Variants in MAP2K2 observed in about 807,000 individuals in gnomAD.
MAP2K2 encodes the protein dual specificity mitogen-activated protein kinase kinase 2.
MAP2K2 carries 24 observed loss-of-function variants against 43.7 expected under a neutral mutation model. That is an observed-to-expected ratio of 0.55 (90% CI 0.40 to 0.77). MAP2K2 has a LOEUF of 0.77. Ranked by LOEUF, MAP2K2 falls within the 30% of genes least tolerant of loss-of-function variation. MAP2K2 has a pLI of 0.00. For missense variants in MAP2K2, 470 were observed against 566.8 expected (o/e 0.83, Z 1.73); for synonymous variants, 244 against 239.7 (o/e 1.02, Z -0.17).
At chr19:4,120,932 C>T (rs1372789862) in intron 1 of MAP2K2, among the ~76,000 whole-genome samples, 4 of 145,340 alleles carry the variant, frequency 2.8e-5, no homozygotes, top group Admixed American at 2.7e-4. Flanking sequence ...CAAGAGTCTT[C>T]ATCTGGGTCA....
chr19:4,098,639 C>A (rs993692557), intron 7 of MAP2K2, among the ~76,000 whole-genome samples: 5 of 152,200 alleles, frequency 3.3e-5, no homozygotes, highest in Admixed American at 2.6e-4. Flanking sequence ...TCCCGAGGTG[C>A]CCGCCCTAAG....
chr19:4,093,718 C>T (rs1405177635), intron 10 of MAP2K2, among the ~76,000 whole-genome samples: 1 of 152,112 alleles, frequency 6.6e-6, no homozygotes, highest in Non-Finnish European at 1.5e-5. Flanking sequence ...AACTGAAAGC[C>T]ACATTCCAGT....
At chr19:4,110,859 C>G (rs1320227005) in intron 2 of MAP2K2, among the ~76,000 whole-genome samples, 1 of 152,186 alleles carries the variant, frequency 6.6e-6, no homozygotes, top group African/African-American at 2.4e-5. Flanking sequence ...AGCAGCACGA[C>G]TCACAGCAGG....
intron 2 of MAP2K2, among the ~76,000 whole-genome samples, chr19:4,116,199 AG>A (rs145026031): frequency 0.051 from 7,766 of 152,278 alleles, 231 homozygotes; most frequent in South Asian, 0.069. Flanking sequence ...ACTCCACCCC[AG>A]GGTGGGTGAG....
chr19:4,093,967 G>A (rs1029883939), intron 10 of MAP2K2, among the ~76,000 whole-genome samples: 26 of 152,116 alleles, frequency 1.7e-4, no homozygotes, highest in African/African-American at 5.3e-4. Context: ...CTGGGGAGGC[G>A]AGTTTTGGTG....
intron 3 of MAP2K2, chr19:4,102,991 A>G: frequency 9.3e-7 from 1 of 1,070,136 alleles, no homozygotes; most frequent in Non-Finnish European, 1.1e-6. Context: ...CCAGACCCCC[A>G]GGGGGCTCCC....
intron 6 of MAP2K2, 182 bp downstream of exon 6, chr19:4,100,837 A>T (rs1315729077): frequency 6.7e-5 from 47 of 705,844 alleles, no homozygotes; most frequent in Non-Finnish European, 1.0e-4. Flanking sequence ...GTGCCCACGA[A>T]ATAGTTGGGA....
At chr19:4,097,179 T>G in intron 8 of MAP2K2, 100 bp downstream of exon 8, 1 of 895,478 alleles carries the variant, frequency 1.1e-6, no homozygotes, top group Non-Finnish European at 1.7e-6. Flanking sequence ...TGGTGACTCT[T>G]GCTCTGGTCA....
At position 4,117,565 on chromosome 19, in the gene MAP2K2, G is replaced by A. The variant is rs762146075; in HGVS notation, c.157C>T (p.Arg53Trp). The A allele has an allele frequency of 5.0e-6, 8 of 1,614,144 alleles. No individual in the cohort carries two copies. The highest frequency in any genetic ancestry group is 1.7e-5 in the Admixed American group (1 of 60,024). The stretch of plus-strand genomic sequence containing the variant: ...TTCTGGGTGAGAAAGGCTTCCAGCC[G>A]CTTCTTCTGCTGCTCGTCAAGTTCC... ...ELELDEQQKK[R>W]LEAFLTQKAK... The change falls in exon 2 of 11, where the codon CGG becomes TGG. Residue 53 changes from arginine to tryptophan, a missense_variant. Physicochemically the swap from Arg to Trp is moderately radical, Grantham distance 101 (BLOSUM62 -3). Coordinates refer to ENST00000262948, the MANE Select transcript of MAP2K2 (RefSeq NM_030662.4).
rs970652962 is a variant in MAP2K2 at position 4,097,271 on chromosome 19, G to A, written c.984+8C>T. On this transcript the variant is annotated splice_region_variant and intron_variant, in intron 8 of 10. Transcript: ENST00000262948. Reference sequence around the variant, plus strand: ...GAAAAGAAAAGCCAAAAGGCATCAAGCACAAACCTCGTTCACAATATAGTC... The same window carrying A: ...GAAAAGAAAAGCCAAAAGGCATCAAACACAAACCTCGTTCACAATATAGTC... 1 of 1,562,646 alleles carries A rather than the reference G, an allele frequency of 6.4e-7. No homozygotes were observed. The highest frequency in any genetic ancestry group is 1.4e-5 in the African/African-American group (1 of 72,792).
rs186337974 is a variant in MAP2K2 at position 4,107,343 on chromosome 19, C to T, written c.450+3166G>A. Among the ~76,000 whole-genome samples, 334 of 151,568 alleles carry T rather than the reference C, an allele frequency of 2.2e-3. 1 individual carries two copies. The highest frequency in any genetic ancestry group is 7.6e-3 in the African/African-American group (312 of 41,310). Reference sequence around the variant, plus strand: ...ATCGAGACCATCCTGGCTAACACAGCGAAACCCCGTCTCTACTAAAAATAC... The same window carrying T: ...ATCGAGACCATCCTGGCTAACACAGTGAAACCCCGTCTCTACTAAAAATAC... On this transcript the variant is annotated intron_variant, in intron 3 of 10. Transcript: ENST00000262948.
intron 2 of MAP2K2, among the ~76,000 whole-genome samples, chr19:4,110,891 C>T (rs568613049): frequency 1.3e-5 from 2 of 152,294 alleles, no homozygotes; most frequent in Admixed American, 6.5e-5. Flanking sequence ...AGAACCCAGG[C>T]GTCCACCCAG....
In MAP2K2 at chr19:4,107,384, T is replaced by C. The variant is rs11085059; in HGVS notation, c.450+3125A>G. ...CTAAAAATACAAAAAATTAGCCGGC[T>C]GTGGTGGCGGGCGCCTGTAGTCCCA... is the stretch of plus-strand genomic sequence containing the variant. On this transcript the variant is annotated intron_variant, in intron 3 of 10. Coordinates refer to ENST00000262948, the MANE Select transcript of MAP2K2 (RefSeq NM_030662.4). Among the ~76,000 whole-genome samples the C allele has an allele frequency of 1.9e-3, 280 of 151,094 alleles. 1 individual carries two copies. The highest frequency in any genetic ancestry group is 6.9e-3 in the Middle Eastern group (2 of 290).
intron 3 of MAP2K2, chr19:4,104,745 G>C (rs779120630): frequency 6.6e-6 from 1 of 152,276 alleles, no homozygotes; most frequent in Non-Finnish European, 1.5e-5. Context: ...AGATGAGGGC[G>C]GGCGGAGCGC....
At chr19:4,092,577 A>C (rs1166829317) in intron 10 of MAP2K2, among the ~76,000 whole-genome samples, 3 of 152,014 alleles carry the variant, frequency 2.0e-5, no homozygotes, top group African/African-American at 7.3e-5. Flanking sequence ...CAACAGAGCA[A>C]GACTCCGTCT....
chr19:4,099,069 C>G, intron 7 of MAP2K2, 132 bp downstream of exon 7: 1 of 770,920 alleles, frequency 1.3e-6, no homozygotes, highest in Non-Finnish European at 2.1e-6. Flanking sequence ...GGACTGCTGA[C>G]CACAGTCGGC....
intron 2 of MAP2K2, among the ~76,000 whole-genome samples, chr19:4,116,968 C>A (rs1381299390): frequency 6.6e-6 from 1 of 152,162 alleles, no homozygotes; most frequent in Admixed American, 6.5e-5. Context: ...ATACAGAAGG[C>A]ACAGCAAAAA....
At chr19:4,113,815 C>G (rs888668675) in intron 2 of MAP2K2, among the ~76,000 whole-genome samples, 2 of 152,094 alleles carry the variant, frequency 1.3e-5, no homozygotes, top group Admixed American at 1.3e-4. Flanking sequence ...CACTGAGTGT[C>G]AGCGAGAGCA....
chr19:4,101,419 G>C lies in MAP2K2; in HGVS notation c.529-139C>G, dbSNP rs976298564. ...AACCATTTCAGGCTGTGAGGAGCTC[G>C]CTGGGGTGGAGCAAGCGAGGCCAGA... On this transcript the variant is annotated intron_variant, in intron 4 of 10. Transcript: ENST00000262948. The surrounding 1 kb of genome is among the most constrained non-coding windows in gnomAD (Gnocchi z 6.3). The C allele has an allele frequency of 2.1e-6, 2 of 940,888 alleles. No individual in the cohort carries two copies. The highest frequency in any genetic ancestry group is 3.4e-6 in the Non-Finnish European group (2 of 594,212). 58.3% of individuals were successfully genotyped at this position (940,888 alleles called of 1,614,324 possible). A position where few individuals can be genotyped will look rare whatever the true frequency, so the allele number is the denominator to read the frequency against.
Sources: allele counts gnomAD v4.1 joint callset (sites outside exome capture counted in the v4.1 genomes callset), GRCh38; gene constraint gnomAD v4.1.1; non-coding constraint Gnocchi (gnomAD v3.1); transcripts MANE v1.5; gene names NCBI Gene and HGNC (gene_info 2026-07-23, HGNC 2026-07-21).